The following LTBP1 variants were observed in gnomAD, a reference collection of about 807,000 sequenced individuals.
LTBP1 encodes latent-transforming growth factor beta-binding protein 1.
Under a neutral mutation model 207.6 loss-of-function variants are expected in LTBP1, and 129 were observed. That is an observed-to-expected ratio of 0.62 (90% CI 0.54 to 0.72). The LOEUF is 0.72. Among genes scored for constraint, LTBP1 ranks in the 30% least tolerant of loss-of-function variants. The probability of loss-of-function intolerance (pLI) is 0.00; values close to 1 mark genes in which losing one functional copy is unlikely to be tolerated. For missense variants in LTBP1, 2,281 were observed against 2,217.2 expected (o/e 1.03, Z -0.58); for synonymous variants, 963 against 833.7 (o/e 1.16, Z -2.67).
At chr2:32,984,976 A>AT (rs1157540736) in intron 2 of LTBP1, among the ~76,000 whole-genome samples, 1 of 151,940 alleles carries the variant, frequency 6.6e-6, no homozygotes, top group African/African-American at 2.4e-5. Flanking sequence ...AGTTATGGTC[A>AT]TTTTTTCTCT....
chr2:33,150,710 C>CTTTTTTTTTTTTTTTTTTTTT (rs1176008947), intron 5 of LTBP1, among the ~76,000 whole-genome samples: 28 of 69,302 alleles, frequency 4.0e-4, no homozygotes, highest in South Asian at 6.2e-4. Flanking sequence ...TTTTCTTTTT[C>CTTTTTTTTTTTTTTTTTTTTT]TTTTTTTTTT....
Position 33,218,877 on chromosome 2 carries a change from A to C in LTBP1, c.1804+1223A>C, listed in dbSNP as rs1374539403. Among the ~76,000 whole-genome samples the C allele has an allele frequency of 2.0e-5, 3 of 152,336 alleles. 1 individual carries two copies. The highest frequency in any genetic ancestry group is 2.0e-4 in the Admixed American group (3 of 15,298). On this transcript the variant is annotated intron_variant, in intron 8 of 33. Coordinates refer to ENST00000404816, the MANE Select transcript of LTBP1 (RefSeq NM_206943.4). Reference sequence around the variant, plus strand: ...CTGCAAGAAATTTCTCATTTGCTTTAAATGAATAATTTTTGTTTACTCCTC... The same window carrying C: ...CTGCAAGAAATTTCTCATTTGCTTTCAATGAATAATTTTTGTTTACTCCTC...
At chr2:33,168,685 G>GA (rs370025246) in intron 5 of LTBP1, among the ~76,000 whole-genome samples, 4,539 of 146,348 alleles carry the variant, frequency 0.031, 208 homozygotes, top group African/African-American at 0.11. Flanking sequence ...CATGTTAAAA[G>GA]AAAAAAAAAA....
intron 7 of LTBP1, among the ~76,000 whole-genome samples, chr2:33,194,567 TTTC>T (rs1330528702): frequency 1.3e-5 from 2 of 152,226 alleles, no homozygotes; most frequent in Non-Finnish European, 2.9e-5. Flanking sequence ...AGGACCTAAC[TTTC>T]TTCAATTCTC....
intron 4 of LTBP1, among the ~76,000 whole-genome samples, chr2:33,125,825 G>A (rs1399562934): frequency 4.8e-5 from 5 of 105,114 alleles, no homozygotes; most frequent in African/African-American, 1.3e-4. Context: ...GCAAGACTCC[G>A]TCTCAAAAAA....
intron 4 of LTBP1, among the ~76,000 whole-genome samples, chr2:33,124,221 T>C (rs2081313602): frequency 6.6e-6 from 1 of 152,076 alleles, no homozygotes; most frequent in African/African-American, 2.4e-5. Flanking sequence ...CCAGCCTGGC[T>C]GACATGGTGA....
chr2:33,346,391 A>C (rs2094701503), intron 25 of LTBP1, among the ~76,000 whole-genome samples: 2 of 152,188 alleles, frequency 1.3e-5, no homozygotes. Flanking sequence ...TTGAATTAAG[A>C]ACTGAGAGTA....
chr2:33,140,355 C>T (rs1359644717), intron 5 of LTBP1, among the ~76,000 whole-genome samples: 1 of 152,188 alleles, frequency 6.6e-6, no homozygotes, highest in Non-Finnish European at 1.5e-5. Flanking sequence ...TGCCATTCGT[C>T]ATTGTTTGGA....
At chr2:33,296,783 A>G (rs1238238338) in intron 20 of LTBP1, among the ~76,000 whole-genome samples, 1 of 152,176 alleles carries the variant, frequency 6.6e-6, no homozygotes, top group Non-Finnish European at 1.5e-5. Context: ...GATGCGTAGA[A>G]GCTGTGTGAG....
chr2:33,247,200 C>G (rs980830716), intron 10 of LTBP1, among the ~76,000 whole-genome samples: 3 of 152,188 alleles, frequency 2.0e-5, no homozygotes, highest in African/African-American at 7.2e-5. Context: ...AAGATGTGCT[C>G]AGGAACTTCT....
chr2:33,265,693 G>GTT (rs375339210), intron 15 of LTBP1, among the ~76,000 whole-genome samples: 6 of 150,576 alleles, frequency 4.0e-5, no homozygotes, highest in Admixed American at 1.3e-4. Context: ...ATTAGCAGTG[G>GTT]TTTTTTTTTA....
intron 14 of LTBP1, among the ~76,000 whole-genome samples, 177 bp downstream of exon 14, chr2:33,262,998 AG>A (rs1327080682): frequency 6.6e-6 from 1 of 150,626 alleles, no homozygotes; most frequent in African/African-American, 2.5e-5. Context: ...TAAGGATTGT[AG>A]TGGGAAAGAT....
intron 2 of LTBP1, among the ~76,000 whole-genome samples, chr2:32,965,681 A>G (rs1372874352): frequency 6.6e-6 from 1 of 152,206 alleles, no homozygotes; most frequent in Non-Finnish European, 1.5e-5. Context: ...ATACTGAATA[A>G]TATTCCATTG....
At chr2:33,074,698 G>A (rs111445957) in intron 3 of LTBP1, among the ~76,000 whole-genome samples, 5 of 151,924 alleles carry the variant, frequency 3.3e-5, no homozygotes, top group East Asian at 3.9e-4. Flanking sequence ...GTGAAACCCC[G>A]TCTCTACTAA....
At chr2:33,204,017 C>A (rs976257189) in intron 7 of LTBP1, among the ~76,000 whole-genome samples, 2 of 152,136 alleles carry the variant, frequency 1.3e-5, no homozygotes, top group Non-Finnish European at 2.9e-5. Context: ...TGCTATCCCT[C>A]AGAATTGAGA....
chr2:32,999,519 C>T lies in LTBP1; in HGVS notation c.566-21390C>T, dbSNP rs1466094100. Reference sequence around the variant, plus strand: ...CCAACACTGCTTTCTCCTTCCTCCTCTCTGCTCTTCCACCATCCCAGAATG... The same window carrying T: ...CCAACACTGCTTTCTCCTTCCTCCTTTCTGCTCTTCCACCATCCCAGAATG... On this transcript the variant is annotated intron_variant, in intron 2 of 33. Coordinates refer to ENST00000404816, the MANE Select transcript of LTBP1 (RefSeq NM_206943.4). Among the ~76,000 whole-genome samples the T allele has an allele frequency of 2.2e-5, 3 of 133,664 alleles. 1 individual carries two copies. The highest frequency in any genetic ancestry group is 7.8e-5 in the African/African-American group (3 of 38,290). The allele number at this position is 133,664 out of a possible 152,430, so 87.7% of individuals were successfully genotyped here.
chr2:33,076,970 G>C (rs1211897237), intron 3 of LTBP1, among the ~76,000 whole-genome samples: 1 of 152,220 alleles, frequency 6.6e-6, no homozygotes, highest in South Asian at 2.1e-4. Context: ...TGTTTTGACT[G>C]TAAGTGGTTA....
At chr2:33,358,203 G>A (rs946846193) in intron 26 of LTBP1, among the ~76,000 whole-genome samples, 1 of 151,930 alleles carries the variant, frequency 6.6e-6, no homozygotes, top group Admixed American at 6.6e-5. Flanking sequence ...AAATGTCTTA[G>A]AAAATAAGAC....
At chr2:33,154,850 G>A (rs2083834152) in intron 5 of LTBP1, among the ~76,000 whole-genome samples, 2 of 152,102 alleles carry the variant, frequency 1.3e-5, no homozygotes, top group Admixed American at 6.6e-5. Flanking sequence ...ATAGCTTGAC[G>A]TCAAGAGTTC....
Sources: allele counts gnomAD v4.1 joint callset (sites outside exome capture counted in the v4.1 genomes callset), GRCh38; gene constraint gnomAD v4.1.1; transcripts MANE v1.5; gene names NCBI Gene and HGNC (gene_info 2026-07-23, HGNC 2026-07-21).